Variants in SNTG2 observed in about 807,000 individuals in gnomAD.
The protein encoded by SNTG2 is gamma-2-syntrophin.
In SNTG2, 74 loss-of-function variants were observed where a neutral mutation model predicts 70.9. The ratio of observed to expected loss-of-function variants is 1.04; its 90% CI spans 0.86 to 1.27. SNTG2 has a LOEUF of 1.27. SNTG2 is among the 50% of genes most tolerant of loss of function. The pLI, the probability that SNTG2 is intolerant of heterozygous loss-of-function variation, is 0.00. For missense variants in SNTG2, 717 were observed against 690.7 expected (o/e 1.04, Z -0.43); for synonymous variants, 278 against 273.8 (o/e 1.02, Z -0.15).
chr2:966,720 G>T (rs1238784962), intron 1 of SNTG2, among the ~76,000 whole-genome samples: 3 of 152,208 alleles, frequency 2.0e-5, no homozygotes, highest in South Asian at 4.1e-4. Context: ...GCTGAGGTGG[G>T]TGGATTATGA....
At chr2:1,068,534 A>C (rs1415643201) in intron 1 of SNTG2, among the ~76,000 whole-genome samples, 1 of 152,198 alleles carries the variant, frequency 6.6e-6, no homozygotes, top group African/African-American at 2.4e-5. Flanking sequence ...TGAGTGATAA[A>C]ATGCTTAAGA....
At chr2:1,262,610 CTCAGTCCAGACGAGGAAACCCAAAGG>C (rs1678472057) in intron 13 of SNTG2, among the ~76,000 whole-genome samples, 1 of 126,414 alleles carries the variant, frequency 7.9e-6, no homozygotes, top group African/African-American at 2.7e-5. Flanking sequence ...AACCCAAAGG[CTCAGTCCAGACGAGGAAACCCAAAGG>C]CTCAGTCCAG....
intron 6 of SNTG2, among the ~76,000 whole-genome samples, chr2:1,164,837 G>A (rs1170200174): frequency 3.7e-5 from 5 of 136,470 alleles, no homozygotes; most frequent in Admixed American, 2.8e-4. Flanking sequence ...ACCTGGCCTC[G>A]GAGGAGGAGG....
Position 1,243,977 on chromosome 2 carries a change from G to C in SNTG2, c.889-3350G>C, listed in dbSNP as rs145057738. 5.3e-3 allele frequency among the ~76,000 whole-genome samples: 809 copies of C among 152,322 alleles called. 3 individuals are homozygous for C. The highest frequency in any genetic ancestry group is 0.018 in the African/African-American group (757 of 41,578). ...GGAGGCGGAGGTTGCAGTGAGCCAA[G>C]AGCGTGCCACTGCACTCCAGCCCGG... On this transcript the variant is annotated intron_variant, in intron 11 of 16. Coordinates refer to ENST00000308624, the MANE Select transcript of SNTG2 (RefSeq NM_018968.4).
At chr2:1,358,349 C>T (rs1660961366) in intron 16 of SNTG2, among the ~76,000 whole-genome samples, 1 of 150,162 alleles carries the variant, frequency 6.7e-6, no homozygotes, top group Non-Finnish European at 1.5e-5. Context: ...TTTTTATGTT[C>T]TCTCTTTCAT....
At chr2:1,175,212 G>C (rs1037518063) in intron 8 of SNTG2, among the ~76,000 whole-genome samples, 2 of 152,174 alleles carry the variant, frequency 1.3e-5, no homozygotes, top group African/African-American at 4.8e-5. Context: ...CACTATTTCT[G>C]GGTAATCTGC....
chr2:1,137,716 C>G, intron 5 of SNTG2, 51 bp downstream of exon 5: 1 of 1,613,172 alleles, frequency 6.2e-7, no homozygotes, highest in Non-Finnish European at 8.5e-7. Flanking sequence ...TTATTTTTAA[C>G]TTGTATTAAT....
At chr2:1,173,266 A>G (rs932907671) in intron 8 of SNTG2, 83 bp downstream of exon 8, 3 of 1,215,664 alleles carry the variant, frequency 2.5e-6, no homozygotes, top group African/African-American at 3.0e-5. Flanking sequence ...AATTAAAAAG[A>G]TGCTGTACTG....
At chr2:1,235,103 C>T (rs73173592) in intron 9 of SNTG2, among the ~76,000 whole-genome samples, 1,881 of 152,246 alleles carry the variant, frequency 0.012, 29 homozygotes, top group African/African-American at 0.043. Context: ...GAGGGGGGAC[C>T]CCTGCCCCCA....
At chr2:1,281,145 G>A (rs906981712) in intron 14 of SNTG2, among the ~76,000 whole-genome samples, 2 of 152,272 alleles carry the variant, frequency 1.3e-5, no homozygotes, top group Non-Finnish European at 2.9e-5. Flanking sequence ...TCACTCTCCC[G>A]TCTTGGAGGC....
chr2:1,169,035 G>A (rs1166640257), intron 7 of SNTG2, among the ~76,000 whole-genome samples: 5 of 152,146 alleles, frequency 3.3e-5, no homozygotes, highest in African/African-American at 9.7e-5. Flanking sequence ...CCAGCAGGGA[G>A]ACTCAGGTGT....
chr2:1,205,756 C>A (rs997863140), intron 8 of SNTG2, among the ~76,000 whole-genome samples: 2 of 152,132 alleles, frequency 1.3e-5, no homozygotes, highest in Non-Finnish European at 2.9e-5. Flanking sequence ...ATAATCCATT[C>A]TTCTAATTCT....
At chr2:1,200,956 C>T (rs1283625317) in intron 8 of SNTG2, among the ~76,000 whole-genome samples, 1 of 151,822 alleles carries the variant, frequency 6.6e-6, no homozygotes, top group Non-Finnish European at 1.5e-5. Flanking sequence ...TAGAAATGTA[C>T]GTTAGTACAA....
intron 1 of SNTG2, among the ~76,000 whole-genome samples, chr2:1,081,683 T>C (rs1664307168): frequency 6.6e-6 from 1 of 152,162 alleles, no homozygotes; most frequent in Admixed American, 6.5e-5. Flanking sequence ...TCCACAGACG[T>C]CCCGTGAGCT....
chr2:1,321,023 G>T lies in SNTG2; in HGVS notation c.1488+4648G>T, dbSNP rs149485978. Among the ~76,000 whole-genome samples the T allele has an allele frequency of 4.6e-3, 696 of 152,288 alleles. 8 individuals carry two copies. Among genetic ancestry groups the T allele is most frequent in the African/African-American group, 0.016 (652 of 41,564 alleles). ...ATATGTACACTTAAATGTTTTAAAT[G>T]AATAAATTAATGAAGAAGGAGCAAA... On this transcript the variant is annotated intron_variant, in intron 16 of 16. Coordinates refer to ENST00000308624, the MANE Select transcript of SNTG2 (RefSeq NM_018968.4).
At chr2:966,966 C>CAA (rs138414205) in intron 1 of SNTG2, among the ~76,000 whole-genome samples, 6 of 147,356 alleles carry the variant, frequency 4.1e-5, no homozygotes, top group African/African-American at 1.0e-4. Flanking sequence ...AACAAACAAA[C>CAA]AAAAAAACAA....
intron 1 of SNTG2, among the ~76,000 whole-genome samples, chr2:961,851 A>C (rs907967240): frequency 1.3e-5 from 2 of 152,116 alleles, no homozygotes; most frequent in African/African-American, 4.8e-5. Context: ...CTTCATGTGA[A>C]GCTGCTGAGG....
At chr2:992,217 A>G (rs1437113469) in intron 1 of SNTG2, among the ~76,000 whole-genome samples, 1 of 152,222 alleles carries the variant, frequency 6.6e-6, no homozygotes, top group Admixed American at 6.5e-5. Context: ...TTCACAGAAC[A>G]GGAAGCAGAA....
rs1239892483 is a variant in SNTG2, at chr2:1,153,954, T to C, written c.412-11594T>C. Among the ~76,000 whole-genome samples, 3 of 152,196 alleles carry C rather than the reference T, an allele frequency of 2.0e-5. No homozygotes were observed. In the East Asian group the frequency reaches 5.8e-4, roughly 29 times the overall value. ...TCTGGGTGGAGATGTGTATTTAAGA[T>C]CCAACCAAGAGGACTTCCAGGAACC... On this transcript the variant is annotated intron_variant, in intron 6 of 16. Coordinates refer to ENST00000308624, the MANE Select transcript of SNTG2 (RefSeq NM_018968.4).
Sources: gnomAD v4.1 joint callset for allele counts (sites outside exome capture counted in the v4.1 genomes callset) on GRCh38, gnomAD v4.1.1 for gene constraint, MANE v1.5 for transcripts, NCBI Gene and HGNC (gene_info 2026-07-23, HGNC 2026-07-21) for gene names.